INTS8: variants seen among roughly 807,000 people sequenced by gnomAD.
INTS8 encodes protein kaonashi-1.
In INTS8, 47 loss-of-function variants were observed where a neutral mutation model predicts 138.9. The observed-to-expected ratio is 0.34, with a 90% CI of 0.27 to 0.43. INTS8 has a LOEUF of 0.43. Among genes scored for constraint, INTS8 ranks in the 20% least tolerant of loss-of-function variants. The pLI, the probability that INTS8 is intolerant of heterozygous loss-of-function variation, is 1.00. For missense variants in INTS8, 996 were observed against 1,173.0 expected (o/e 0.85, Z 2.20); for synonymous variants, 392 against 400.9 (o/e 0.98, Z 0.27).
At chr8:94,835,625 A>G (rs1814897126) in intron 6 of INTS8, among the ~76,000 whole-genome samples, 1 of 150,310 alleles carries the variant, frequency 6.7e-6, no homozygotes, top group Non-Finnish European at 1.5e-5. Context: ...TTTGAGACAG[A>G]GTCTCGCCCT....
Position 94,876,231 on chromosome 8 carries a change from A to G in INTS8, c.2773A>G (p.Met925Val), listed in dbSNP as rs1220444772. The G allele has an allele frequency of 5.0e-6, 8 of 1,612,160 alleles. No homozygotes were observed. Among genetic ancestry groups the G allele is most frequent in the Non-Finnish European group, 8.5e-7 (1 of 1,178,762 alleles). Residue 925 changes from methionine (M) to valine (V), a missense_variant, in exon 25 of 27, where the codon ATG becomes GTG. Met to Val is a conservative substitution (Grantham distance 21). Transcript: ENST00000523731. ...AATTCTGTCTTTCAGTCATGATGCT[A>G]TGGACTCCTACTACGACTACATATG... is the stretch of plus-strand genomic sequence containing the variant. ...SLQEQNSHDA[M>V]DSYYDYIWDV...
chr8:94,865,175 T>G (rs1043347731), intron 16 of INTS8, among the ~76,000 whole-genome samples: 3 of 152,148 alleles, frequency 2.0e-5, no homozygotes, highest in Admixed American at 2.0e-4. Flanking sequence ...TAACGTGGGA[T>G]CATACTATGT....
chr8:94,827,629 A>G (rs1814557221), intron 3 of INTS8, 93 bp from the exon 4 acceptor site: 3 of 1,122,956 alleles, frequency 2.7e-6, no homozygotes, highest in African/African-American at 1.6e-5. Context: ...TTAATGCTTC[A>G]TATAATTTAT....
chr8:94,858,175 A>G (rs1414788450), intron 15 of INTS8, among the ~76,000 whole-genome samples: 2 of 152,244 alleles, frequency 1.3e-5, no homozygotes, highest in South Asian at 2.1e-4. Context: ...TAGAGCAATT[A>G]AATCATACTG....
intron 5 of INTS8, 53 bp from the exon 6 acceptor site, chr8:94,831,926 AAATATTTTTGGTT>A: frequency 7.7e-7 from 1 of 1,302,310 alleles, no homozygotes; most frequent in Non-Finnish European, 1.0e-6. Context: ...AATAGACTGT[AAATATTTTTGGTT>A]ATTATAATCA....
At chr8:94,843,339 G>A (rs542008103) in intron 10 of INTS8, among the ~76,000 whole-genome samples, 10 of 152,248 alleles carry the variant, frequency 6.6e-5, no homozygotes, top group South Asian at 2.1e-4. Context: ...AGGCCAAGGC[G>A]AGTGGATCAC....
At chr8:94,854,523 T>C (rs946267973) in intron 14 of INTS8, among the ~76,000 whole-genome samples, 1 of 152,214 alleles carries the variant, frequency 6.6e-6, no homozygotes, top group African/African-American at 2.4e-5. Context: ...TCTAAAAATA[T>C]ACTTTTGTAG....
chr8:94,866,854 G>T (rs1319769958), intron 18 of INTS8: 1 of 325,602 alleles, frequency 3.1e-6, no homozygotes, highest in Middle Eastern at 9.0e-4. Flanking sequence ...TATTTTAAGG[G>T]ATAAAAAGTT....
intron 22 of INTS8, among the ~76,000 whole-genome samples, chr8:94,874,247 GTT>G (rs35033167): frequency 8.8e-5 from 13 of 148,438 alleles, no homozygotes; most frequent in Non-Finnish European, 1.8e-4. Flanking sequence ...AATTTTGTCC[GTT>G]TTTTTTTTTG....
intron 5 of INTS8, among the ~76,000 whole-genome samples, chr8:94,830,736 G>A (rs1211109465): frequency 6.6e-6 from 1 of 152,084 alleles, no homozygotes; most frequent in African/African-American, 2.4e-5. Context: ...GGACTCAAGC[G>A]ATCCACCCAC....
chr8:94,830,846 G>A (rs796979159), intron 5 of INTS8, among the ~76,000 whole-genome samples: 2 of 152,290 alleles, frequency 1.3e-5, no homozygotes, highest in African/African-American at 4.8e-5. Context: ...TGCCCAGGCT[G>A]GAGTGCAATG....
chr8:94,836,553 C>G lies in INTS8; in HGVS notation c.783C>G (p.Phe261Leu). ...GCTATGATTTGGGCGCAGCATACTT[C>G]CAGCAAGGCTCCACAAATTCAGCTG... ...QVCYDLGAAY[F>L]QQGSTNSAVY... Residue 261 changes from phenylalanine to leucine, a missense_variant, in exon 7 of 27, where the codon TTC (phenylalanine) becomes TTG (leucine). Transcript: ENST00000523731. 1 of 1,613,886 alleles carries G rather than the reference C, an allele frequency of 6.2e-7. No homozygotes were observed. Among genetic ancestry groups the G allele is most frequent in the African/African-American group, 1.3e-5 (1 of 75,030 alleles).
intron 12 of INTS8, 104 bp downstream of exon 12, chr8:94,850,195 T>A (rs957507374): frequency 1.3e-6 from 1 of 749,308 alleles, no homozygotes; most frequent in Non-Finnish European, 2.1e-6. Flanking sequence ...TAATTAACAC[T>A]TGTGTTGGTA....
chr8:94,861,163 G>A (rs1042162564), intron 16 of INTS8, among the ~76,000 whole-genome samples: 18 of 149,146 alleles, frequency 1.2e-4, no homozygotes, highest in African/African-American at 3.0e-4. Context: ...CTTCCTTCAC[G>A]TATGTCCTTT....
chr8:94,836,620 C>G lies in INTS8; in HGVS notation c.850C>G (p.Leu284Val), dbSNP rs769384020. Reference sequence around the variant, plus strand: ...GGAAAAATTTTTTAGAACCAAAGAACTAATTGCAGAGGTAAATCCAGTCAT... The same window carrying G: ...GGAAAAATTTTTTAGAACCAAAGAAGTAATTGCAGAGGTAAATCCAGTCAT... ...AREKFFRTKE[L>V]IAEIGSLSLH... Residue 284 changes from leucine to valine, a missense_variant, in exon 7 of 27, where the codon CTA becomes GTA. Coordinates refer to ENST00000523731, the MANE Select transcript of INTS8 (RefSeq NM_017864.4). 12 of 1,595,254 alleles carry G rather than the reference C, an allele frequency of 7.5e-6. No homozygotes were observed. Among genetic ancestry groups the G allele is most frequent in the Non-Finnish European group, 9.5e-6 (11 of 1,163,178 alleles).
At chr8:94,876,567 A>T in intron 26 of INTS8, 78 bp downstream of exon 26, 7 of 897,196 alleles carry the variant, frequency 7.8e-6, no homozygotes, top group Non-Finnish European at 1.0e-5. Flanking sequence ...ACCAACAAAA[A>T]ATAGATTTTG....
At chr8:94,842,541 C>T in intron 10 of INTS8, 53 bp downstream of exon 10, 1 of 1,429,944 alleles carries the variant, frequency 7.0e-7, no homozygotes, top group South Asian at 1.3e-5. Context: ...TTAAGCTTAC[C>T]AGTGACCTCT....
At chr8:94,823,946 C>G (rs764988292) in intron 1 of INTS8, among the ~76,000 whole-genome samples, 8 of 152,320 alleles carry the variant, frequency 5.3e-5, no homozygotes, top group Non-Finnish European at 8.8e-5. Flanking sequence ...TGGGGAGAAA[C>G]CAGCTGTTGG....
intron 8 of INTS8, among the ~76,000 whole-genome samples, chr8:94,840,867 T>A (rs1338892623): frequency 6.6e-6 from 1 of 151,678 alleles, no homozygotes; most frequent in Admixed American, 6.6e-5. Context: ...ATTTAATTAG[T>A]ATTTTTTTAG....
Sources: allele counts gnomAD v4.1 joint callset (sites outside exome capture counted in the v4.1 genomes callset), GRCh38; gene constraint gnomAD v4.1.1; transcripts MANE v1.5; gene names NCBI Gene and HGNC (gene_info 2026-07-23, HGNC 2026-07-21).